FAM120B: variants seen among roughly 807,000 people sequenced by gnomAD.
FAM120B encodes the protein family with sequence similarity 120 member B.
In FAM120B, 83 loss-of-function variants were observed where a neutral mutation model predicts 96.3. The observed-to-expected ratio is 0.86, with a 90% CI of 0.72 to 1.03. FAM120B has a LOEUF of 1.03. Among genes scored for constraint, FAM120B ranks in the 50% least tolerant of loss-of-function variants. FAM120B has a pLI of 0.00. For synonymous variants in FAM120B, 407 were observed against 402.7 expected, an observed-to-expected ratio of 1.01 and a Z score of -0.13; for missense variants, 1,027 against 1,121.2, an observed-to-expected ratio of 0.92 and a Z score of 1.20.
intron 3 of FAM120B, among the ~76,000 whole-genome samples, chr6:170,329,407 G>GT (rs1785844801): frequency 6.6e-6 from 1 of 152,184 alleles, no homozygotes; most frequent in Non-Finnish European, 1.5e-5. Flanking sequence ...CATTTCTTCA[G>GT]TTCTAGTGTT....
intron 7 of FAM120B, 57 bp downstream of exon 7, chr6:170,388,550 C>CA: frequency 3.5e-6 from 5 of 1,447,688 alleles, no homozygotes; most frequent in Non-Finnish European, 2.9e-6. Context: ...CCAGGCTGCA[C>CA]AAAAAACATG....
At position 170,319,114 on chromosome 6, in the gene FAM120B, A is replaced by G; in HGVS notation, c.1724A>G (p.Glu575Gly). 2 of 1,562,466 alleles carry G rather than the reference A, an allele frequency of 1.3e-6. No individual in the cohort carries two copies. The highest frequency in any genetic ancestry group is 1.7e-6 in the Non-Finnish European group (2 of 1,160,490). Residue 575 changes from glutamate to glycine, a missense_variant, in exon 2 of 11, where the codon GAA becomes GGA. Physicochemically the swap from Glu to Gly is moderately conservative, Grantham distance 98 (BLOSUM62 -2). Transcript: ENST00000476287. ...KQQVTMVSDT[E>G]ILKVARTHHV... ...CAAGTAACCATGGTTTCAGACACTG[A>G]AATCTTAAAGGTATGTGTATCTGCC...
intron 9 of FAM120B, among the ~76,000 whole-genome samples, chr6:170,399,681 G>C (rs373182916): frequency 1.4e-5 from 2 of 141,516 alleles, no homozygotes. Context: ...GAGTGGGGAA[G>C]GTAGAACTAT....
chr6:170,382,728 T>C (rs372121420), intron 6 of FAM120B, among the ~76,000 whole-genome samples: 2 of 152,350 alleles, frequency 1.3e-5, no homozygotes, highest in South Asian at 2.1e-4. Flanking sequence ...TCCAGACTGA[T>C]GTACAGGTTT....
chr6:170,367,584 G>A (rs569999055), intron 6 of FAM120B, among the ~76,000 whole-genome samples: 24 of 152,300 alleles, frequency 1.6e-4, no homozygotes, highest in Admixed American at 9.8e-4. Flanking sequence ...GTAAGTCCGC[G>A]GGGAGACGGC....
chr6:170,291,161 C>T (rs1347442487), upstream of FAM120B: 1 of 659,280 alleles, frequency 1.5e-6, no homozygotes, highest in South Asian at 1.5e-5. Flanking sequence ...CCCCAGCCCC[C>T]CCTTCCTCCC....
intron 1 of FAM120B, among the ~76,000 whole-genome samples, chr6:170,300,713 C>T (rs1022250562): frequency 1.3e-5 from 2 of 152,358 alleles, no homozygotes; most frequent in African/African-American, 4.8e-5. Flanking sequence ...ATAGGAGACA[C>T]TGGCCAAAAC....
chr6:170,395,999 G>A (rs1186944864), intron 9 of FAM120B, among the ~76,000 whole-genome samples: 3 of 152,200 alleles, frequency 2.0e-5, no homozygotes, highest in Non-Finnish European at 2.9e-5. Flanking sequence ...GTAGGAAATA[G>A]CCCCAACCCT....
In FAM120B at chr6:170,361,220, A is replaced by ATATATATACG. The variant is rs1788395054; in HGVS notation, c.2283+2910_2283+2911insCGTATATATA. ...CGTGTATATATATATATATATATAT[A>ATATATATACG]TATATATATATATATACACGTATAT... On this transcript the variant is annotated intron_variant, in intron 6 of 10. Transcript: ENST00000476287. Among the ~76,000 whole-genome samples the ATATATATACG allele has an allele frequency of 9.1e-5, 10 of 109,996 alleles. 2 individuals carry two copies. The South Asian group carries it at 2.8e-3, about 31-fold the overall frequency. The allele number at this position is 109,996 out of a possible 152,430, so 72.2% of individuals were successfully genotyped here.
In FAM120B at chr6:170,318,341, AC is replaced by A. The variant is rs1785039473; in HGVS notation, c.954del (p.Gly320ValfsTer2). ...AAAAATCTCCATGGTTTTTCCAAAA[AC>A]CCAAAGGTGTAATAACTTTGGACAA... is the stretch of plus-strand genomic sequence containing the variant. Reference protein sequence around the residue: ...GQKSPWFFQKPKGVITLDKQV... With the variant: ...GQKSPWFFQKXKGVITLDKQV... On this transcript the variant is annotated frameshift_variant, in exon 2 of 11. Transcript: ENST00000476287. LOFTEE classifies it high-confidence loss of function. 1.2e-6 allele frequency: 2 copies of A among 1,614,174 alleles called. No individual in the cohort carries two copies. Among genetic ancestry groups the A allele is most frequent in the African/African-American group, 2.7e-5 (2 of 75,042 alleles).
chr6:170,331,510 C>T lies in FAM120B; in HGVS notation c.2017+960C>T, dbSNP rs138241096. On this transcript the variant is annotated intron_variant, in intron 4 of 10. Transcript: ENST00000476287. ...TACACTAAAACCTTAAAAGTACTTACCAGAGAAACATAATTAGAATGCATT... is the reference window on the plus strand; with the variant it reads ...TACACTAAAACCTTAAAAGTACTTATCAGAGAAACATAATTAGAATGCATT... Among the ~76,000 whole-genome samples, 7 of 152,188 alleles carry T rather than the reference C, an allele frequency of 4.6e-5. No individual in the cohort carries two copies. In the East Asian group the frequency reaches 1.4e-3, roughly 29 times the overall value.
At chr6:170,375,194 G>A (rs564442380) in intron 6 of FAM120B, among the ~76,000 whole-genome samples, 8 of 152,352 alleles carry the variant, frequency 5.3e-5, no homozygotes, top group African/African-American at 1.9e-4. Flanking sequence ...TGTAATCAGT[G>A]TGTCAGCACA....
At position 170,364,731 on chromosome 6, in the gene FAM120B, G is replaced by A. The variant is rs577967564; in HGVS notation, c.2283+6413G>A. The stretch of plus-strand genomic sequence containing the variant: ...GGGCACTTGGGACAGGGATGCCTGG[G>A]GGCCCTTCAGAGGCTGGTGCTGCTG... On this transcript the variant is annotated intron_variant, in intron 6 of 10. Transcript: ENST00000476287. Among the ~76,000 whole-genome samples the A allele has an allele frequency of 6.3e-4, 96 of 152,260 alleles. 1 individual carries two copies. Among genetic ancestry groups the A allele is most frequent in the African/African-American group, 2.0e-3 (83 of 41,562 alleles).
chr6:170,306,234 A>C (rs1784275488), upstream of FAM120B, among the ~76,000 whole-genome samples: 1 of 152,180 alleles, frequency 6.6e-6, no homozygotes, highest in African/African-American at 2.4e-5. Context: ...GTCGAACGCC[A>C]GGACGTCCCC....
At chr6:170,369,156 A>AAAAG (rs1247478286) in intron 6 of FAM120B, among the ~76,000 whole-genome samples, 1 of 149,846 alleles carries the variant, frequency 6.7e-6, no homozygotes, top group Non-Finnish European at 1.5e-5. Flanking sequence ...TGAACAAAGC[A>AAAAG]AAAGAAAGCA....
intron 6 of FAM120B, among the ~76,000 whole-genome samples, chr6:170,374,033 C>G (rs1444187630): frequency 1.3e-5 from 2 of 152,146 alleles, no homozygotes; most frequent in Non-Finnish European, 2.9e-5. Flanking sequence ...TCAGTTCTAC[C>G]TGGATTTTTT....
chr6:170,318,164 C>T lies in FAM120B; in HGVS notation c.774C>T (p.Asp258=), dbSNP rs1785025922. 9 of 1,613,602 alleles carry T rather than the reference C, an allele frequency of 5.6e-6. No individual in the cohort carries two copies. The highest frequency in any genetic ancestry group is 7.6e-6 in the Non-Finnish European group (9 of 1,179,886). Residue 258 remains aspartate, a synonymous_variant, in exon 2 of 11, where the codon GAC becomes GAT. Transcript: ENST00000476287. ...ACACCTCTGTAAAAGAGAACTTTGA[C>T]AAAAAAGGTAACATCATATTAGCTG... ...SSYTSVKENF[D]KKGNIILAVS...
At chr6:170,329,917 TCTGA>T (rs1303946366) in intron 3 of FAM120B, among the ~76,000 whole-genome samples, 7 of 152,192 alleles carry the variant, frequency 4.6e-5, no homozygotes, top group Non-Finnish European at 8.8e-5. Context: ...TGAGCAGCTG[TCTGA>T]CTGATGATCA....
At chr6:170,347,268 A>G (rs1425677685) in intron 4 of FAM120B, among the ~76,000 whole-genome samples, 1 of 152,210 alleles carries the variant, frequency 6.6e-6, no homozygotes, top group Non-Finnish European at 1.5e-5. Flanking sequence ...TTTATAGCCA[A>G]GTGGTCCTCA....
Sources: allele counts gnomAD v4.1 joint callset (sites outside exome capture counted in the v4.1 genomes callset), GRCh38; gene constraint gnomAD v4.1.1; transcripts MANE v1.5; gene names NCBI Gene and HGNC (gene_info 2026-07-23, HGNC 2026-07-21).